Variants in AGBL1 observed in about 807,000 individuals in gnomAD.
The protein encoded by AGBL1 is AGBL carboxypeptidase 1, also known as cytosolic carboxypeptidase 4.
In AGBL1, 130 loss-of-function variants were observed where a neutral mutation model predicts 118.9. The observed-to-expected ratio is 1.09, with a 90% CI of 0.95 to 1.26. AGBL1 has a LOEUF of 1.26. AGBL1 is among the 50% of genes most tolerant of loss of function. AGBL1 has a pLI of 0.00. For missense variants in AGBL1, 1,584 were observed against 1,298.1 expected (o/e 1.22, Z -3.38); for synonymous variants, 555 against 478.9 (o/e 1.16, Z -2.08).
chr15:86,469,246 A>G (rs1404185977), intron 18 of AGBL1, among the ~76,000 whole-genome samples: 4 of 152,120 alleles, frequency 2.6e-5, no homozygotes, highest in African/African-American at 9.7e-5. Flanking sequence ...TCCTTTTCCA[A>G]TTCCCTCAGC....
intron 22 of AGBL1, among the ~76,000 whole-genome samples, chr15:86,878,459 C>G (rs577075078): frequency 1.3e-5 from 2 of 152,300 alleles, no homozygotes; most frequent in East Asian, 3.9e-4. Context: ...CTTTTCTCCA[C>G]AAGGCCATCC....
At chr15:86,464,262 ATGCTTG>A (rs1250413828) in intron 18 of AGBL1, among the ~76,000 whole-genome samples, 1 of 152,156 alleles carries the variant, frequency 6.6e-6, no homozygotes, top group Non-Finnish European at 1.5e-5. Context: ...GTGTATAGGA[ATGCTTG>A]TGATTTTTGC....
At chr15:86,439,663 T>C (rs1008012358) in intron 18 of AGBL1, among the ~76,000 whole-genome samples, 1 of 152,126 alleles carries the variant, frequency 6.6e-6, no homozygotes, top group Non-Finnish European at 1.5e-5. Context: ...AGCACAGAAA[T>C]CCAACACTTT....
intron 17 of AGBL1, among the ~76,000 whole-genome samples, chr15:86,347,889 C>A (rs778632681): frequency 6.6e-5 from 10 of 152,202 alleles, no homozygotes; most frequent in Non-Finnish European, 1.5e-4. Context: ...TGCTACTTAA[C>A]CTTAAAAAAT....
At position 86,088,186 on chromosome 15, in the gene AGBL1, C is replaced by T. The variant is rs1746380611; in HGVS notation, c.51+8163C>T. 3 of 152,372 alleles carry T rather than the reference C, an allele frequency of 2.0e-5. No homozygotes were observed. The South Asian group carries it at 6.2e-4, about 32-fold the overall frequency. The allele number at this position is 152,372 out of a possible 1,614,324, so 9.4% of individuals were successfully genotyped here. On this transcript the variant is annotated intron_variant, in intron 1 of 22. Transcript: ENST00000614907. ...TGGCCCACAGGCCATAGTTTGTTAC[C>T]CCTGGCCTGAAGGCCTTTGAATCAC...
chr15:86,846,476 C>T lies in AGBL1; in HGVS notation c.3159-60611C>T, dbSNP rs181963393. 8.9e-4 allele frequency among the ~76,000 whole-genome samples: 136 copies of T among 152,212 alleles called. 1 individual carries two copies. The highest frequency in any genetic ancestry group is 5.0e-3 in the South Asian group (24 of 4,814). On this transcript the variant is annotated intron_variant, in intron 22 of 22. Transcript: ENST00000614907. ...GTCTATCTTACTTAGAATTTGAGTT[C>T]CATTGTCTTACAGATTACTACTTTT...
intron 5 of AGBL1, among the ~76,000 whole-genome samples, chr15:86,204,714 C>T (rs917335945): frequency 2.6e-5 from 4 of 152,118 alleles, no homozygotes; most frequent in Non-Finnish European, 5.9e-5. Flanking sequence ...CTCAGCCTCC[C>T]GAGTAGCTGG....
chr15:86,456,899 C>T (rs952399149), intron 18 of AGBL1, among the ~76,000 whole-genome samples: 1 of 152,094 alleles, frequency 6.6e-6, no homozygotes, highest in Non-Finnish European at 1.5e-5. Flanking sequence ...GAATGACCAA[C>T]ATTTGAATAT....
chr15:86,215,215 ATATGTATGCGTGTGTGTGTG>A (rs2078165530), intron 5 of AGBL1, among the ~76,000 whole-genome samples: 1 of 123,012 alleles, frequency 8.1e-6, no homozygotes. Flanking sequence ...GTGTGAGTGT[ATATGTATGCGTGTGTGTGTG>A]TGTGTGTGTG....
chr15:86,934,016 TC>T (rs2080636265), intron 23 of AGBL1, among the ~76,000 whole-genome samples: 1 of 152,248 alleles, frequency 6.6e-6, no homozygotes, highest in African/African-American at 2.4e-5. Flanking sequence ...GTCTGTGGAT[TC>T]TATGATGAAT....
intron 17 of AGBL1, among the ~76,000 whole-genome samples, chr15:86,313,841 T>G (rs528042479): frequency 6.6e-6 from 1 of 152,330 alleles, no homozygotes; most frequent in East Asian, 1.9e-4. Flanking sequence ...TTATCTTTAG[T>G]TCAGAGCTGG....
intron 17 of AGBL1, among the ~76,000 whole-genome samples, chr15:86,393,007 A>G (rs1255749808): frequency 6.6e-6 from 1 of 152,128 alleles, no homozygotes; most frequent in Non-Finnish European, 1.5e-5. Flanking sequence ...TGCTGCTACA[A>G]TTGAATGGTC....
intron 21 of AGBL1, among the ~76,000 whole-genome samples, chr15:86,673,473 T>G (rs1404270469): frequency 3.3e-5 from 5 of 152,218 alleles, no homozygotes; most frequent in Non-Finnish European, 7.3e-5. Context: ...AGACTGAATT[T>G]ACTTATTAGC....
intron 17 of AGBL1, among the ~76,000 whole-genome samples, chr15:86,331,639 G>A (rs1051403188): frequency 2.6e-5 from 4 of 152,112 alleles, no homozygotes; most frequent in Non-Finnish European, 5.9e-5. Flanking sequence ...AGAGATCGGG[G>A]GCCTGTTTAC....
intron 22 of AGBL1, among the ~76,000 whole-genome samples, chr15:86,854,603 G>T (rs1013126356): frequency 6.6e-6 from 1 of 152,086 alleles, no homozygotes; most frequent in East Asian, 1.9e-4. Context: ...TCCTTTGCCT[G>T]AGCCAGTTTT....
intron 24 of AGBL1, among the ~76,000 whole-genome samples, chr15:87,028,436 A>G (rs760399956): frequency 1.9e-4 from 29 of 151,946 alleles, no homozygotes; most frequent in Non-Finnish European, 3.5e-4. Context: ...TTAAAGATTA[A>G]TTTCATGTGT....
chr15:86,693,553 C>T (rs567634050), intron 22 of AGBL1, among the ~76,000 whole-genome samples: 116 of 151,964 alleles, frequency 7.6e-4, no homozygotes, highest in African/African-American at 2.6e-3. Context: ...TCTGTGTGCT[C>T]TCTGTTTACT....
intron 18 of AGBL1, among the ~76,000 whole-genome samples, chr15:86,512,635 C>T (rs2083065755): frequency 6.6e-6 from 1 of 151,636 alleles, no homozygotes; most frequent in African/African-American, 2.4e-5. Context: ...TGATCCTTGG[C>T]TTTTTCTTTT....
rs57387070 is a variant in AGBL1, at chr15:86,597,132, TATCCATCC to T, written c.2994+42631_2994+42638del. Among the ~76,000 whole-genome samples, 426 of 147,608 alleles carry T rather than the reference TATCCATCC, an allele frequency of 2.9e-3. 12 individuals carry two copies. Among genetic ancestry groups the T allele is most frequent in the Non-Finnish European group, 3.2e-3 (211 of 66,634 alleles). On this transcript the variant is annotated intron_variant, in intron 21 of 22. Coordinates refer to ENST00000614907, the MANE Select transcript of AGBL1 (RefSeq NM_001386094.1). The stretch of plus-strand genomic sequence containing the variant: ...TTGATCTGTCTATCTAATCTACCTA[TATCCATCC>T]ATCCATCCATCCATCCATCCATCCA...
Sources: allele counts gnomAD v4.1 joint callset (sites outside exome capture counted in the v4.1 genomes callset), GRCh38; gene constraint gnomAD v4.1.1; transcripts MANE v1.5; gene names NCBI Gene and HGNC (gene_info 2026-07-23, HGNC 2026-07-21).